MAPRE3: variants seen among roughly 807,000 people sequenced by gnomAD.
The protein encoded by MAPRE3 is microtubule-associated protein RP/EB family member 3.
In MAPRE3, 2 loss-of-function variants were observed where a neutral mutation model predicts 30.5. The observed-to-expected ratio is 0.07, with a 90% CI of 0.03 to 0.21. The LOEUF is 0.21. MAPRE3 is among the 10% of genes least tolerant of loss of function. The pLI is 1.00. For synonymous variants in MAPRE3, 110 were observed against 127.7 expected (o/e 0.86, Z 0.93); for missense variants, 204 against 351.8 (o/e 0.58, Z 3.36).
At chr2:27,007,516 C>T (rs977795390) in intron 1 of MAPRE3, among the ~76,000 whole-genome samples, 2 of 152,164 alleles carry the variant, frequency 1.3e-5, no homozygotes, top group African/African-American at 4.8e-5. Flanking sequence ...TTTAGTTTCC[C>T]TTTGAAAACC....
chr2:27,026,241 T>C, intron 6 of MAPRE3, 39 bp from the exon 7 acceptor site: 3 of 1,583,420 alleles, frequency 1.9e-6, no homozygotes, highest in Non-Finnish European at 2.6e-6. Context: ...CTGCCTGGCC[T>C]GCCTGGCCCA....
rs1327115702 is a variant in MAPRE3 at position 26,986,319 on chromosome 2, C to A, written c.-8+15517C>A. ...AAACCTTAATCACATCTGCAAAGTCCCTTTTGCCATTTAAGATGACATATT... is the reference window on the plus strand; with the variant it reads ...AAACCTTAATCACATCTGCAAAGTCACTTTTGCCATTTAAGATGACATATT... On this transcript the variant is annotated intron_variant, in intron 1 of 6. Coordinates refer to ENST00000233121, the MANE Select transcript of MAPRE3 (RefSeq NM_012326.4). This position sits in a 1 kb window ranked among gnomAD's most constrained non-coding sequence, Gnocchi z 4.2. Among the ~76,000 whole-genome samples, 1 of 152,150 alleles carries A rather than the reference C, an allele frequency of 6.6e-6. No individual in the cohort carries two copies. Among genetic ancestry groups the A allele is most frequent in the Non-Finnish European group, 1.5e-5 (1 of 68,040 alleles).
At chr2:26,997,859 T>A (rs1377174909) in intron 1 of MAPRE3, among the ~76,000 whole-genome samples, 1 of 152,164 alleles carries the variant, frequency 6.6e-6, no homozygotes. Context: ...AATAATAGAA[T>A]TGTTGCATCT....
chr2:27,024,952 C>T (rs540758843), intron 4 of MAPRE3, among the ~76,000 whole-genome samples: 60 of 152,280 alleles, frequency 3.9e-4, no homozygotes, highest in African/African-American at 1.3e-3. Context: ...GGGCCTGCCC[C>T]ACTCGCCCGC....
At position 27,006,423 on chromosome 2, in the gene MAPRE3, GTTTT is replaced by G. The variant is rs1221093236; in HGVS notation, c.-7-15785_-7-15782del. Among the ~76,000 whole-genome samples, 3 of 152,082 alleles carry G rather than the reference GTTTT, an allele frequency of 2.0e-5. No homozygotes were observed. The East Asian group carries it at 5.8e-4, about 29-fold the overall frequency. ...GATCAGCAAAAGAAAAACAAGCAAA[GTTTT>G]TTTATTTTGTTTTTCTCTTCAGATA... On this transcript the variant is annotated intron_variant, in intron 1 of 6. Coordinates refer to ENST00000233121, the MANE Select transcript of MAPRE3 (RefSeq NM_012326.4).
At chr2:27,008,880 A>T (rs1298371271) in intron 1 of MAPRE3, among the ~76,000 whole-genome samples, 1 of 152,230 alleles carries the variant, frequency 6.6e-6, no homozygotes, top group Non-Finnish European at 1.5e-5. Context: ...AATAAAGAGG[A>T]ACCATTAATC....
At chr2:26,983,423 G>A (rs1021313585) in intron 1 of MAPRE3, among the ~76,000 whole-genome samples, 11 of 152,114 alleles carry the variant, frequency 7.2e-5, no homozygotes, top group African/African-American at 2.4e-4. Flanking sequence ...TCCTGGCCTG[G>A]AAGGCTTGAT....
intron 1 of MAPRE3, among the ~76,000 whole-genome samples, chr2:27,001,542 T>C (rs949415601): frequency 3.3e-5 from 5 of 152,098 alleles, no homozygotes; most frequent in African/African-American, 1.2e-4. Flanking sequence ...AACTGATAGA[T>C]AGGCATATAA....
chr2:27,009,750 C>T (rs1321429084), intron 1 of MAPRE3: 1 of 152,264 alleles, frequency 6.6e-6, no homozygotes, highest in Admixed American at 6.5e-5. Flanking sequence ...CCTCCCCATG[C>T]ATTCCCCTTT....
At chr2:26,982,031 G>T (rs1383673467) in intron 1 of MAPRE3, among the ~76,000 whole-genome samples, 2 of 152,160 alleles carry the variant, frequency 1.3e-5, no homozygotes, top group Admixed American at 6.5e-5. Context: ...TACTCATTTT[G>T]TGAGGGTTCC....
At chr2:27,000,456 A>G (rs552401190) in intron 1 of MAPRE3, among the ~76,000 whole-genome samples, 19 of 152,196 alleles carry the variant, frequency 1.2e-4, no homozygotes, top group Non-Finnish European at 2.4e-4. Flanking sequence ...AAAGAGGAAC[A>G]AGGGTAGAAG....
At chr2:27,019,413 G>A (rs1471384048) in intron 1 of MAPRE3, among the ~76,000 whole-genome samples, 1 of 151,920 alleles carries the variant, frequency 6.6e-6, no homozygotes, top group Non-Finnish European at 1.5e-5. Context: ...AGAAGGTGAT[G>A]AGACATGATT....
intron 4 of MAPRE3, 109 bp from the exon 5 acceptor site, chr2:27,025,474 G>A: frequency 8.7e-7 from 1 of 1,149,296 alleles, no homozygotes; most frequent in Non-Finnish European, 1.2e-6. Context: ...GGGGGTGAGA[G>A]TGCCTGCCTG....
chr2:27,026,604 T>C lies in MAPRE3; in HGVS notation c.*256T>C. The C allele has an allele frequency of 2.3e-6, 1 of 437,096 alleles. No individual in the cohort carries two copies. The highest frequency in any genetic ancestry group is 4.0e-6 in the Non-Finnish European group (1 of 247,902). 27.1% of individuals were successfully genotyped at this position (437,096 alleles called of 1,614,324 possible). A position where few individuals can be genotyped will look rare whatever the true frequency, so the allele number is the denominator to read the frequency against. On this transcript the variant is annotated 3_prime_UTR_variant, in exon 7 of 7. Transcript: ENST00000233121. Reference sequence around the variant, plus strand: ...TTATTTCCGTTGTCTCTCTGCTGTGTCGCCCAACACTTCCCAGGGTGCTGC... The same window carrying C: ...TTATTTCCGTTGTCTCTCTGCTGTGCCGCCCAACACTTCCCAGGGTGCTGC...
chr2:26,994,665 G>A (rs1251819978), intron 1 of MAPRE3, among the ~76,000 whole-genome samples: 2 of 152,058 alleles, frequency 1.3e-5, no homozygotes, highest in Non-Finnish European at 2.9e-5. Flanking sequence ...TTTTAAGTAA[G>A]TCCTGCTCTG....
intron 1 of MAPRE3, among the ~76,000 whole-genome samples, chr2:27,003,259 A>T (rs1666644118): frequency 6.6e-6 from 1 of 152,202 alleles, no homozygotes; most frequent in African/African-American, 2.4e-5. Context: ...TTCAATATTC[A>T]TGAGTGTAGG....
intron 1 of MAPRE3, among the ~76,000 whole-genome samples, chr2:26,978,042 A>G (rs1009993861): frequency 6.6e-6 from 1 of 152,182 alleles, no homozygotes; most frequent in African/African-American, 2.4e-5. Flanking sequence ...TACTTGTCCT[A>G]GATGGGGTGG....
At chr2:26,977,699 C>T (rs943009481) in intron 1 of MAPRE3, among the ~76,000 whole-genome samples, 1 of 152,208 alleles carries the variant, frequency 6.6e-6, no homozygotes, top group African/African-American at 2.4e-5. Flanking sequence ...ATAGGCTAGG[C>T]CACTCCCCCT....
chr2:27,024,234 G>A lies in MAPRE3; in HGVS notation c.406G>A (p.Ala136Thr). 4 of 1,614,244 alleles carry A rather than the reference G, an allele frequency of 2.5e-6. No individual in the cohort carries two copies. In the South Asian group the frequency reaches 3.3e-5, roughly 13 times the overall value. ...PLLARQGQDV[A>T]PPPNPGDQIF... ...GCTGGCGCGGCAGGGCCAGGACGTA[G>A]CGCCACCTCCTAACCCAGGTGATCA... Residue 136 changes from alanine (A) to threonine (T), a missense_variant, in exon 4 of 7, where the codon GCG becomes ACG. By Grantham distance (58) the Ala-to-Thr change is moderately conservative. Around this residue, in one of 5 missense-constraint regions of MAPRE3, gnomAD observed 101 missense variants for 205.4 expected, o/e 0.49. Coordinates refer to ENST00000233121, the MANE Select transcript of MAPRE3 (RefSeq NM_012326.4).
Sources: gnomAD v4.1 joint callset for allele counts (sites outside exome capture counted in the v4.1 genomes callset) on GRCh38, gnomAD v4.1.1 for gene constraint, gnomAD v4.1.1 regional missense constraint, Gnocchi (gnomAD v3.1) non-coding constraint, MANE v1.5 for transcripts, NCBI Gene and HGNC (gene_info 2026-07-23, HGNC 2026-07-21) for gene names.